The following MUC12 variants were observed in gnomAD, a reference collection of about 807,000 sequenced individuals.
MUC12 encodes mucin 12, cell surface associated, also known as mucin-12.
MUC12 carries 172 observed loss-of-function variants against 230.8 expected under a neutral mutation model. The ratio of observed to expected loss-of-function variants is 0.75; its 90% CI spans 0.66 to 0.85. The LOEUF is 0.85. Ranked by LOEUF, MUC12 falls within the 40% of genes least tolerant of loss-of-function variation. MUC12 has a pLI of 0.00. For synonymous variants in MUC12, 1,259 were observed against 2,401.9 expected (o/e 0.52, Z 13.91); for missense variants, 3,506 against 5,920.6 (o/e 0.59, Z 13.38).
At position 100,992,487 on chromosome 7, in the gene MUC12, G is replaced by A. The variant is rs1180198102; in HGVS notation, c.1924G>A (p.Asp642Asn). 4.6e-6 allele frequency: 7 copies of A among 1,537,752 alleles called. No homozygotes were observed. The South Asian group carries it at 4.8e-5, about 10-fold the overall frequency. Reference protein sequence around the residue: ...TTFHSWPSSKDTRPAPPTTTS... With the variant: ...TTFHSWPSSKNTRPAPPTTTS... ...ATTCCATAGCTGGCCAAGCTCAAAG[G>A]ACACTAGGCCTGCACCTCCTACTAC... is the stretch of plus-strand genomic sequence containing the variant. The change falls in exon 2 of 12, where the codon GAC becomes AAC. Residue 642 changes from aspartate to asparagine, a missense_variant. Asp to Asn is a conservative substitution (Grantham distance 23). Transcript: ENST00000536621.
chr7:100,979,520 G>A (rs536057039), intron 1 of MUC12, among the ~76,000 whole-genome samples: 1 of 152,232 alleles, frequency 6.6e-6, no homozygotes, highest in South Asian at 2.1e-4. Flanking sequence ...GGTGGCTCAT[G>A]CCTGCAATCT....
chr7:101,006,125 G>T (rs1317360524), intron 2 of MUC12, among the ~76,000 whole-genome samples: 2 of 152,046 alleles, frequency 1.3e-5, no homozygotes, highest in Non-Finnish European at 2.9e-5. Flanking sequence ...ATGAGAATCC[G>T]CATCTGCTCT....
Position 101,005,296 on chromosome 7 carries a change from C to G in MUC12, c.14733C>G (p.Ser4911Arg). The G allele has an allele frequency of 2.6e-6, 4 of 1,537,942 alleles. No individual in the cohort carries two copies. Among genetic ancestry groups the G allele is most frequent in the Non-Finnish European group, 3.5e-6 (4 of 1,147,064 alleles). Residue 4911 changes from serine to arginine, a missense_variant, in exon 2 of 12, where the codon AGC becomes AGG. Coordinates refer to ENST00000536621, the MANE Select transcript of MUC12 (RefSeq NM_001164462.2). ...IGQESTAFHSSSDATGTTPLP... is the reference protein window; with the variant it reads ...IGQESTAFHSRSDATGTTPLP... ...AGGAATCAACAGCCTTCCACAGCAGCTCAGACGCAACTGGAACAACACCCT... is the reference window on the plus strand; with the variant it reads ...AGGAATCAACAGCCTTCCACAGCAGGTCAGACGCAACTGGAACAACACCCT...
rs949042695 is a variant in MUC12 at position 100,981,514 on chromosome 7, G to C, written c.68-9117G>C. Reference sequence around the variant, plus strand: ...AGAGAAGGAGCGTCAGGAGGTGAGGGTGTCCTAGGAACTGAATGTGAGATT... The same window carrying C: ...AGAGAAGGAGCGTCAGGAGGTGAGGCTGTCCTAGGAACTGAATGTGAGATT... On this transcript the variant is annotated intron_variant, in intron 1 of 11. Transcript: ENST00000536621. 2.1e-5 allele frequency: 10 copies of C among 475,702 alleles called. No homozygotes were observed. The East Asian group carries it at 3.5e-4, about 17-fold the overall frequency. The allele number at this position is 475,702 out of a possible 1,614,324, so 29.5% of individuals were successfully genotyped here. A position where few individuals can be genotyped will look rare whatever the true frequency, so the allele number is the denominator to read the frequency against.
Position 101,005,273 on chromosome 7 carries a change from G to T in MUC12, c.14710G>T (p.Glu4904Ter). 6.5e-7 allele frequency: 1 copy of T among 1,537,844 alleles called. No individual in the cohort carries two copies. The highest frequency in any genetic ancestry group is 8.7e-7 in the Non-Finnish European group (1 of 1,147,038). The part of the protein sequence containing the change: ...ATLTTTDIGQ[E>*]STAFHSSSDA... Reference sequence around the variant, plus strand: ...CCTCACAACCACAGACATTGGTCAGGAATCAACAGCCTTCCACAGCAGCTC... The same window carrying T: ...CCTCACAACCACAGACATTGGTCAGTAATCAACAGCCTTCCACAGCAGCTC... Residue 4904 changes from glutamate to a stop codon, truncating the protein, a stop_gained, in exon 2 of 12, where the codon GAA (glutamate) becomes TAA (stop). Coordinates refer to ENST00000536621, the MANE Select transcript of MUC12 (RefSeq NM_001164462.2). LOFTEE classifies it high-confidence loss of function.
intron 1 of MUC12, among the ~76,000 whole-genome samples, chr7:100,979,508 A>G (rs1417780350): frequency 6.6e-6 from 1 of 152,204 alleles, no homozygotes; most frequent in Non-Finnish European, 1.5e-5. Flanking sequence ...TAGGCAGGGC[A>G]CGGTGGCTCA....
At position 101,018,632 on chromosome 7, in the gene MUC12, T is replaced by G. The variant is rs1326667972; in HGVS notation, c.16004T>G (p.Val5335Gly). ...AGGCCGGAGATGGTAGCATCCACTGTGTGAGCCAACGGGGGCCTCCCACCC... is the reference window on the plus strand; with the variant it reads ...AGGCCGGAGATGGTAGCATCCACTGGGTGAGCCAACGGGGGCCTCCCACCC... The part of the protein sequence containing the change: ...IQRPEMVAST[V>G] Residue 5335 changes from valine to glycine, a missense_variant, in exon 12 of 12, where the codon GTG (valine) becomes GGG (glycine). Physicochemically the swap from Val to Gly is moderately radical, Grantham distance 109 (BLOSUM62 -3). Coordinates refer to ENST00000536621, the MANE Select transcript of MUC12 (RefSeq NM_001164462.2). 1.3e-6 allele frequency: 2 copies of G among 1,535,838 alleles called. No homozygotes were observed. The highest frequency in any genetic ancestry group is 2.0e-5 in the Admixed American group (1 of 50,882).
chr7:100,995,448 G>C lies in MUC12; in HGVS notation c.4885G>C (p.Gly1629Arg). 4 of 1,531,950 alleles carry C rather than the reference G, an allele frequency of 2.6e-6. No individual in the cohort carries two copies. The highest frequency in any genetic ancestry group is 1.4e-5 in the African/African-American group (1 of 70,912). 94.9% of individuals were successfully genotyped at this position (1,531,950 alleles called of 1,614,324 possible). A position where few individuals can be genotyped will look rare whatever the true frequency, so the allele number is the denominator to read the frequency against. ...SPGSTTASSL[G>R]PESTTFHSSP... ...TGGCAGTACCACAGCATCATCCCTT[G>C]GTCCAGAATCTACTACTTTCCACAG... The change falls in exon 2 of 12, where the codon GGT (glycine) becomes CGT (arginine). Residue 1629 changes from glycine to arginine, a missense_variant. Gly to Arg is a moderately radical substitution (Grantham distance 125, BLOSUM62 -2). Coordinates refer to ENST00000536621, the MANE Select transcript of MUC12 (RefSeq NM_001164462.2).
chr7:100,970,898 G>A (rs952616816), intron 1 of MUC12, among the ~76,000 whole-genome samples: 1 of 152,116 alleles, frequency 6.6e-6, no homozygotes, highest in Admixed American at 6.5e-5. Flanking sequence ...TCAAAAGGCT[G>A]AGGCAGGAGA....
At chr7:100,971,234 G>C (rs1246322512) in intron 1 of MUC12, among the ~76,000 whole-genome samples, 4 of 152,274 alleles carry the variant, frequency 2.6e-5, no homozygotes, top group Non-Finnish European at 5.9e-5. Flanking sequence ...AGAGGCTCAG[G>C]GGTCCTTGCT....
rs1167891757 is a variant in MUC12 at position 101,005,351 on chromosome 7, G to T, written c.14788G>T (p.Val4930Phe). 6.5e-7 allele frequency: 1 copy of T among 1,537,782 alleles called. No individual in the cohort carries two copies. The highest frequency in any genetic ancestry group is 8.7e-7 in the Non-Finnish European group (1 of 1,147,056). ...TGCCCGCTCCACAGCCTCAGACCTT[G>T]TTGGAGAACCTACAACTTTCTACAT... ...LPARSTASDL[V>F]GEPTTFYISP... is the part of the protein sequence containing the mutation. Residue 4930 changes from valine (V) to phenylalanine (F), a missense_variant, in exon 2 of 12, where the codon GTT becomes TTT. Val to Phe is a conservative substitution (Grantham distance 50). Coordinates refer to ENST00000536621, the MANE Select transcript of MUC12 (RefSeq NM_001164462.2).
chr7:100,990,529 A>G (rs1718212740), intron 1 of MUC12, 102 bp from the exon 2 acceptor site: 1 of 1,381,418 alleles, frequency 7.2e-7, no homozygotes, highest in South Asian at 1.3e-5. Context: ...CCATGGGCTG[A>G]CCAGGTGTCT....
chr7:100,989,794 G>A (rs539783284), intron 1 of MUC12, among the ~76,000 whole-genome samples: 25 of 151,908 alleles, frequency 1.6e-4, no homozygotes, highest in Admixed American at 2.6e-4. Flanking sequence ...GGGTTCAAGC[G>A]ATTCTCATGC....
At chr7:100,975,795 T>C (rs73712023) in intron 1 of MUC12, among the ~76,000 whole-genome samples, 1 of 152,308 alleles carries the variant, frequency 6.6e-6, no homozygotes, top group Admixed American at 6.5e-5. Flanking sequence ...AATTCAGAAC[T>C]GCATTGTCTG....
chr7:101,018,188 T>A (rs1238216543), intron 11 of MUC12, among the ~76,000 whole-genome samples: 56 of 2,708 alleles, frequency 0.021, 27 homozygotes, highest in East Asian at 0.057. Flanking sequence ...CCCTTCCCCC[T>A]GGGACTCCCT....
chr7:100,972,102 T>A, intron 1 of MUC12: 1 of 702,778 alleles, frequency 1.4e-6, no homozygotes, highest in Non-Finnish European at 2.6e-6. Flanking sequence ...AGAGACCCCC[T>A]GCCCTCCTCT....
rs1299048302 is a variant in MUC12, at chr7:100,995,953, C to G, written c.5390C>G (p.Ser1797Ter). The change falls in exon 2 of 12, where the codon TCA (serine) becomes TGA (stop). Residue 1797 changes from serine to a stop codon, truncating the protein, a stop_gained. Transcript: ENST00000536621. LOFTEE classifies it high-confidence loss of function. ...SSTASGRSEE[S>*]RTSHSSTTHT... is the part of the protein sequence containing the mutation. ...ACAGCTTCAGGTCGTAGTGAAGAATCAAGAACTTCCCACAGCAGCACAACA... is the reference window on the plus strand; with the variant it reads ...ACAGCTTCAGGTCGTAGTGAAGAATGAAGAACTTCCCACAGCAGCACAACA... The G allele has an allele frequency of 1.1e-4, 117 of 1,042,644 alleles. No homozygotes were observed. The highest frequency in any genetic ancestry group is 1.4e-4 in the Non-Finnish European group (106 of 747,060). 64.6% of individuals were successfully genotyped at this position (1,042,644 alleles called of 1,614,324 possible).
intron 1 of MUC12, among the ~76,000 whole-genome samples, chr7:100,973,603 A>G (rs546225657): frequency 6.7e-6 from 1 of 150,348 alleles, no homozygotes; most frequent in Non-Finnish European, 1.5e-5. Flanking sequence ...CTGGTCTTGA[A>G]CTCCTGGGCT....
At position 100,991,060 on chromosome 7, in the gene MUC12, C is replaced by A. The variant is rs370220422; in HGVS notation, c.497C>A (p.Thr166Asn). 44 of 1,537,712 alleles carry A rather than the reference C, an allele frequency of 2.9e-5. No individual in the cohort carries two copies. The African/African-American group carries it at 4.0e-4, about 14-fold the overall frequency. Residue 166 changes from threonine (T) to asparagine (N), a missense_variant, in exon 2 of 12, where the codon ACC becomes AAC. Thr to Asn is a moderately conservative substitution (Grantham distance 65, BLOSUM62 0). Coordinates refer to ENST00000536621, the MANE Select transcript of MUC12 (RefSeq NM_001164462.2). ...TTSSGVSEKS[T>N]TSHSRPGPTH... ...AGCTCAGGCGTCAGTGAAAAATCAA[C>A]CACCTCCCACAGCCGACCAGGCCCA...
Sources: gnomAD v4.1 joint callset for allele counts (sites outside exome capture counted in the v4.1 genomes callset) on GRCh38, gnomAD v4.1.1 for gene constraint, MANE v1.5 for transcripts, NCBI Gene and HGNC (gene_info 2026-07-23, HGNC 2026-07-21) for gene names.